DLGAP1: variants seen among roughly 807,000 people sequenced by gnomAD.
DLGAP1 encodes the protein disks large-associated protein 1.
In DLGAP1, 11 loss-of-function variants were observed where a neutral mutation model predicts 90.8. The ratio of observed to expected loss-of-function variants is 0.12; its 90% CI spans 0.08 to 0.20. The LOEUF (loss-of-function observed/expected upper bound fraction) is 0.20, where lower values mean the gene tolerates loss of function less well. DLGAP1 is among the 10% of genes least tolerant of loss of function. The probability of loss-of-function intolerance (pLI) is 1.00; values close to 1 mark genes in which losing one functional copy is unlikely to be tolerated. For synonymous variants in DLGAP1, 558 were observed against 540.7 expected (o/e 1.03, Z -0.44); for missense variants, 1,050 against 1,333.8 (o/e 0.79, Z 3.31).
intron 1 of DLGAP1, among the ~76,000 whole-genome samples, chr18:4,193,245 G>C (rs966545598): frequency 5.3e-5 from 8 of 152,192 alleles, no homozygotes; most frequent in Non-Finnish European, 1.2e-4. Flanking sequence ...TTTCAGTACT[G>C]ATACACGGCC....
At chr18:3,832,633 A>G (rs2068091646) in intron 4 of DLGAP1, among the ~76,000 whole-genome samples, 1 of 152,154 alleles carries the variant, frequency 6.6e-6, no homozygotes, top group Non-Finnish European at 1.5e-5. Flanking sequence ...CAGAAAAAAA[A>G]AATGTTTTGT....
Position 3,752,847 on chromosome 18 carries a change from C to A in DLGAP1, c.1173-10335G>T, listed in dbSNP as rs145332841. Among the ~76,000 whole-genome samples the A allele has an allele frequency of 1.8e-4, 28 of 152,088 alleles. No homozygotes were observed. In the East Asian group the frequency reaches 4.7e-3, roughly 25 times the overall value. On this transcript the variant is annotated intron_variant, in intron 5 of 12. Transcript: ENST00000315677. ...TTTTCAAGGTTCATCCGTGTTGTAG[C>A]ATGTATCAGTACTTCATTCCTTTGT...
At chr18:3,845,098 C>T (rs2068934836) in intron 4 of DLGAP1, 2 of 1,137,698 alleles carry the variant, frequency 1.8e-6, no homozygotes, top group Non-Finnish European at 2.5e-6. Flanking sequence ...ATTGTTCATC[C>T]CCAGTTCACA....
At position 3,534,256 on chromosome 18, in the gene DLGAP1, C is replaced by T. The variant is rs371815947; in HGVS notation, c.2417G>A (p.Arg806His). The T allele has an allele frequency of 6.2e-7, 1 of 1,614,228 alleles. No homozygotes were observed. The highest frequency in any genetic ancestry group is 1.3e-5 in the African/African-American group (1 of 75,060). The change falls in exon 10 of 13, where the codon CGC (arginine) becomes CAC (histidine). Residue 806 changes from arginine to histidine, a missense_variant. This residue lies in a region of DLGAP1 where 565 missense variants were observed against 879.7 expected (regional missense o/e 0.64). Transcript: ENST00000315677. The stretch of plus-strand genomic sequence containing the variant: ...CATCTGTTGACACCACCCCTCCATG[C>T]GGTCTCGCTCTGCCTGGAGAAGCTT... Reference protein sequence around the residue: ...FLKLLQAERDRMEGWCQQMER... With the variant: ...FLKLLQAERDHMEGWCQQMER...
At chr18:3,501,949 G>T (rs1238596250) in intron 12 of DLGAP1, among the ~76,000 whole-genome samples, 16 of 109,374 alleles carry the variant, frequency 1.5e-4, no homozygotes, top group Admixed American at 3.9e-4. Flanking sequence ...AAACTGTTTT[G>T]AAAAAAAAAA....
At position 3,971,659 on chromosome 18, in the gene DLGAP1, G is replaced by C. The variant is rs80065226; in HGVS notation, c.-73+33457C>G. On this transcript the variant is annotated intron_variant, in intron 3 of 12. Coordinates refer to ENST00000315677, the MANE Select transcript of DLGAP1 (RefSeq NM_004746.4). ...GACTCTTTTGTCCATCTATCCTTTG[G>C]TAAGCTAAGCTGTACTAAGGATAAC... 4.5e-3 allele frequency among the ~76,000 whole-genome samples: 678 copies of C among 152,166 alleles called. 4 individuals carry two copies. The highest frequency in any genetic ancestry group is 6.7e-3 in the Non-Finnish European group (454 of 68,022).
intron 3 of DLGAP1, among the ~76,000 whole-genome samples, chr18:3,887,149 G>A (rs895763543): frequency 3.9e-5 from 6 of 152,188 alleles, no homozygotes; most frequent in South Asian, 2.1e-4. Context: ...ATTGAACCAC[G>A]TGACAACTTT....
intron 3 of DLGAP1, among the ~76,000 whole-genome samples, chr18:3,937,445 C>T (rs1410658324): frequency 6.6e-6 from 1 of 152,100 alleles, no homozygotes; most frequent in Non-Finnish European, 1.5e-5. Flanking sequence ...TGTTCACTAC[C>T]ATGAGAACAG....
chr18:3,577,642 G>A (rs1212319738), intron 8 of DLGAP1, among the ~76,000 whole-genome samples: 1 of 152,202 alleles, frequency 6.6e-6, no homozygotes, highest in Admixed American at 6.5e-5. Context: ...CAAGAATGGA[G>A]GATATTGTTC....
intron 1 of DLGAP1, among the ~76,000 whole-genome samples, chr18:4,446,604 A>G (rs2083674800): frequency 6.6e-6 from 1 of 152,264 alleles, no homozygotes; most frequent in African/African-American, 2.4e-5. Flanking sequence ...GTCTTGAAGA[A>G]CTAAATAATA....
intron 4 of DLGAP1, among the ~76,000 whole-genome samples, chr18:3,847,168 G>A (rs1382736172): frequency 1.3e-5 from 2 of 151,832 alleles, no homozygotes; most frequent in Non-Finnish European, 2.9e-5. Flanking sequence ...GGATAGCATT[G>A]GCCTAAGAAA....
chr18:4,428,343 G>T (rs907316393), intron 1 of DLGAP1, among the ~76,000 whole-genome samples: 1 of 152,180 alleles, frequency 6.6e-6, no homozygotes. Context: ...CACTTTGGGA[G>T]GCCAAGGCGG....
intron 1 of DLGAP1, among the ~76,000 whole-genome samples, chr18:4,354,153 C>T (rs2081456064): frequency 6.6e-6 from 1 of 152,196 alleles, no homozygotes. Flanking sequence ...TCTTTCTGGC[C>T]TTCTGCCCTT....
intron 5 of DLGAP1, among the ~76,000 whole-genome samples, chr18:3,789,961 T>A (rs2065648961): frequency 6.6e-6 from 1 of 152,216 alleles, no homozygotes; most frequent in Non-Finnish European, 1.5e-5. Flanking sequence ...ATAGATTATT[T>A]CAGAGTCAAA....
At chr18:4,087,280 A>T (rs62087449) in intron 2 of DLGAP1, among the ~76,000 whole-genome samples, 42,555 of 151,152 alleles carry the variant, frequency 0.28, 6,386 homozygotes, top group African/African-American at 0.32. Flanking sequence ...GGCCATAAAC[A>T]AAATCTCTGC....
At chr18:4,072,283 C>T (rs2075459731) in intron 2 of DLGAP1, among the ~76,000 whole-genome samples, 1 of 129,564 alleles carries the variant, frequency 7.7e-6, no homozygotes, top group East Asian at 2.4e-4. Context: ...TCTGACTTCA[C>T]TGGTAATGAT....
At chr18:3,945,224 G>A (rs2072853747) in intron 3 of DLGAP1, among the ~76,000 whole-genome samples, 1 of 152,150 alleles carries the variant, frequency 6.6e-6, no homozygotes, top group Non-Finnish European at 1.5e-5. Context: ...AAATCCTTAG[G>A]ATAGTGCCTG....
At chr18:3,902,332 T>G (rs2071802785) in intron 3 of DLGAP1, among the ~76,000 whole-genome samples, 1 of 152,320 alleles carries the variant, frequency 6.6e-6, no homozygotes, top group Non-Finnish European at 1.5e-5. Flanking sequence ...TTTTAACAAA[T>G]GTATTCAAAT....
At chr18:3,928,352 A>G (rs1351912458) in intron 3 of DLGAP1, among the ~76,000 whole-genome samples, 1 of 152,224 alleles carries the variant, frequency 6.6e-6, no homozygotes, top group Non-Finnish European at 1.5e-5. Flanking sequence ...ACATAGAGAC[A>G]TATTTCTCAC....
Sources: gnomAD v4.1 joint callset for allele counts (sites outside exome capture counted in the v4.1 genomes callset) on GRCh38, gnomAD v4.1.1 for gene constraint, gnomAD v4.1.1 regional missense constraint, MANE v1.5 for transcripts, NCBI Gene and HGNC (gene_info 2026-07-23, HGNC 2026-07-21) for gene names.